Variants in SIK3 observed in about 807,000 individuals in gnomAD.
SIK3 encodes the protein SIK family kinase 3, also known as serine/threonine-protein kinase SIK3.
In SIK3, 28 loss-of-function variants were observed where a neutral mutation model predicts 144.2. That is an observed-to-expected ratio of 0.19 (90% CI 0.14 to 0.27). SIK3 has a LOEUF of 0.27. Ranked by LOEUF, SIK3 falls within the 10% of genes least tolerant of loss-of-function variation. SIK3 has a pLI of 1.00. For missense variants in SIK3, 1,319 were observed against 1,776.0 expected (o/e 0.74, Z 4.62); for synonymous variants, 686 against 676.3 (o/e 1.01, Z -0.22).
At position 116,857,834 on chromosome 11, in the gene SIK3, T is replaced by C; in HGVS notation, c.3631A>G (p.Ser1211Gly). The C allele has an allele frequency of 6.2e-7, 1 of 1,614,232 alleles. No individual in the cohort carries two copies. Among genetic ancestry groups the C allele is most frequent in the Non-Finnish European group, 8.5e-7 (1 of 1,180,040 alleles). Residue 1211 changes from serine to glycine, a missense_variant, in exon 21 of 25, where the codon AGT (serine) becomes GGT (glycine). Around this residue, in one of 8 missense-constraint regions of SIK3, gnomAD observed 646 missense variants for 763.7 expected, o/e 0.85. Transcript: ENST00000445177. ...CCTCTGCTGGGCACCTTATTTTTAC[T>C]GAATGCAGCAGTTGGCTGATGACCA... Reference protein sequence around the residue: ...PYGHQPTAAFSKNKVPSREPV... With the variant: ...PYGHQPTAAFGKNKVPSREPV...
chr11:117,086,663 C>T (rs1253609734), intron 1 of SIK3, among the ~76,000 whole-genome samples: 1 of 150,920 alleles, frequency 6.6e-6, no homozygotes, highest in Admixed American at 6.6e-5. Context: ...TGCACTCCAG[C>T]CTGGGTGACA....
intron 1 of SIK3, among the ~76,000 whole-genome samples, chr11:117,018,732 T>G (rs1291952112): frequency 1.3e-5 from 2 of 151,734 alleles, no homozygotes; most frequent in African/African-American, 2.4e-5. Flanking sequence ...TTTTTTTTTT[T>G]GAAACAGTTT....
chr11:116,860,876 T>G (rs1244932569), intron 19 of SIK3, among the ~76,000 whole-genome samples: 1 of 152,230 alleles, frequency 6.6e-6, no homozygotes, highest in Non-Finnish European at 1.5e-5. Flanking sequence ...CTGATAAGTT[T>G]CTGGCGCTTT....
At chr11:117,040,334 G>A (rs997205719) in intron 1 of SIK3, among the ~76,000 whole-genome samples, 10 of 152,114 alleles carry the variant, frequency 6.6e-5, no homozygotes, top group Non-Finnish European at 1.2e-4. Flanking sequence ...ATTTAGAACT[G>A]TGCTCGTCAT....
At chr11:117,023,914 A>G (rs571574037) in intron 1 of SIK3, among the ~76,000 whole-genome samples, 2 of 152,138 alleles carry the variant, frequency 1.3e-5, no homozygotes, top group Non-Finnish European at 2.9e-5. Context: ...CCTGGCCTCA[A>G]GTGATTCACC....
In SIK3 at chr11:117,065,583, T is replaced by G. The variant is rs530364727; in HGVS notation, c.273+32560A>C. On this transcript the variant is annotated intron_variant, in intron 1 of 24. Coordinates refer to ENST00000445177, the MANE Select transcript of SIK3 (RefSeq NM_001366686.3). ...GGAGTTGATCAAAATAAATGCTTTT[T>G]AAACACAAATTTAGTATCTTCAATA... Among the ~76,000 whole-genome samples, 3 of 139,082 alleles carry G rather than the reference T, an allele frequency of 2.2e-5. 1 individual carries two copies. In the South Asian group the frequency reaches 6.8e-4, roughly 32 times the overall value. 91.2% of individuals were successfully genotyped at this position (139,082 alleles called of 152,430 possible). A position where few individuals can be genotyped will look rare whatever the true frequency, so the allele number is the denominator to read the frequency against.
Position 116,867,162 on chromosome 11 carries a change from G to A in SIK3, c.1952+784C>T, listed in dbSNP as rs960126333. Among the ~76,000 whole-genome samples, 4 of 152,168 alleles carry A rather than the reference G, an allele frequency of 2.6e-5. No homozygotes were observed. The highest frequency in any genetic ancestry group is 9.7e-5 in the African/African-American group (4 of 41,440). On this transcript the variant is annotated intron_variant, in intron 15 of 24. Transcript: ENST00000445177. This position sits in a 1 kb window ranked among gnomAD's most constrained non-coding sequence, Gnocchi z 4.1. The stretch of plus-strand genomic sequence containing the variant: ...TCCCCAAAAGACAGAAATAAAATAC[G>A]CTCTAGTAACTGGTGGTGGCTTTGA...
At chr11:116,922,322 G>C (rs1471275955) in intron 4 of SIK3, among the ~76,000 whole-genome samples, 1 of 152,108 alleles carries the variant, frequency 6.6e-6, no homozygotes. Flanking sequence ...GAGGAACATA[G>C]TGACAAAAAA....
intron 1 of SIK3, among the ~76,000 whole-genome samples, chr11:116,993,497 A>AAAT (rs1357425578): frequency 6.6e-6 from 1 of 152,212 alleles, no homozygotes; most frequent in Non-Finnish European, 1.5e-5. Flanking sequence ...ACTGACCTAA[A>AAAT]AATACAGGTT....
chr11:117,089,839 G>A (rs769318928), intron 1 of SIK3, among the ~76,000 whole-genome samples: 6 of 152,092 alleles, frequency 3.9e-5, no homozygotes, highest in South Asian at 2.1e-4. Flanking sequence ...TTCTCTTTCC[G>A]TTTCAACTTC....
intron 1 of SIK3, among the ~76,000 whole-genome samples, chr11:117,020,391 T>C (rs1951723042): frequency 6.6e-6 from 1 of 151,862 alleles, no homozygotes; most frequent in African/African-American, 2.4e-5. Context: ...CAAAAGACAG[T>C]CTTTTGCTAT....
At chr11:117,052,901 G>A (rs1953326129) in intron 1 of SIK3, among the ~76,000 whole-genome samples, 1 of 152,152 alleles carries the variant, frequency 6.6e-6, no homozygotes, top group African/African-American at 2.4e-5. Context: ...AATGCAGGAG[G>A]ACCTGGCACT....
intron 1 of SIK3, among the ~76,000 whole-genome samples, chr11:117,006,485 C>A (rs763465604): frequency 6.6e-6 from 1 of 151,984 alleles, no homozygotes; most frequent in Admixed American, 6.6e-5. Context: ...AGTGAAAGTG[C>A]GAGGTGGTGA....
chr11:116,914,533 T>G (rs183104453), intron 4 of SIK3, among the ~76,000 whole-genome samples: 105 of 152,248 alleles, frequency 6.9e-4, no homozygotes, highest in Non-Finnish European at 1.4e-3. Flanking sequence ...GGACCACAAA[T>G]GTATTCTCAG....
intron 1 of SIK3, among the ~76,000 whole-genome samples, chr11:116,975,449 G>T (rs1291869487): frequency 6.6e-6 from 1 of 150,768 alleles, no homozygotes; most frequent in Non-Finnish European, 1.5e-5. Context: ...TCATCTCAAT[G>T]AGATCATACA....
At chr11:116,911,003 C>T (rs1482673670) in intron 4 of SIK3, among the ~76,000 whole-genome samples, 5 of 152,130 alleles carry the variant, frequency 3.3e-5, no homozygotes, top group Admixed American at 1.3e-4. Flanking sequence ...GGTGAAGCGG[C>T]GCACACCTGT....
At position 116,975,185 on chromosome 11, in the gene SIK3, T is replaced by A. The variant is rs544197315; in HGVS notation, c.274-18121A>T. On this transcript the variant is annotated intron_variant, in intron 1 of 24. Transcript: ENST00000445177. The stretch of plus-strand genomic sequence containing the variant: ...CTGCTTTCTTTGTATTCTAGTTATT[T>A]AAAAAAAAAAGCAGCTTTATTGAGA... Among the ~76,000 whole-genome samples, 15 of 148,210 alleles carry A rather than the reference T, an allele frequency of 1.0e-4. No homozygotes were observed. In the South Asian group the frequency reaches 2.6e-3, roughly 26 times the overall value.
At chr11:116,878,515 G>T (rs1160271372) in intron 6 of SIK3, among the ~76,000 whole-genome samples, 1 of 152,104 alleles carries the variant, frequency 6.6e-6, no homozygotes, top group South Asian at 2.1e-4. Flanking sequence ...CAGCAGCTGG[G>T]ATTACAGGCC....
chr11:116,930,910 T>C (rs1947569495), intron 3 of SIK3, among the ~76,000 whole-genome samples: 1 of 152,226 alleles, frequency 6.6e-6, no homozygotes, highest in East Asian at 1.9e-4. Flanking sequence ...AATTTAAAGT[T>C]TTCTTTGACC....
Sources: allele counts gnomAD v4.1 joint callset (sites outside exome capture counted in the v4.1 genomes callset), GRCh38; gene constraint gnomAD v4.1.1; regional missense constraint gnomAD v4.1.1; non-coding constraint Gnocchi (gnomAD v3.1); transcripts MANE v1.5; gene names NCBI Gene and HGNC (gene_info 2026-07-23, HGNC 2026-07-21).